SLC26A7: variants seen among roughly 807,000 people sequenced by gnomAD.
SLC26A7 encodes solute carrier family 26 member 7.
Under a neutral mutation model 82.5 loss-of-function variants are expected in SLC26A7, and 59 were observed. The ratio of observed to expected loss-of-function variants is 0.72; its 90% CI spans 0.58 to 0.89. The LOEUF is 0.89. Among genes scored for constraint, SLC26A7 ranks in the 40% least tolerant of loss-of-function variants. The pLI is 0.00. For missense variants in SLC26A7, 820 were observed against 793.0 expected, an observed-to-expected ratio of 1.03 and a Z score of -0.41; for synonymous variants, 271 against 274.3, an observed-to-expected ratio of 0.99 and a Z score of 0.12.
intron 11 of SLC26A7, among the ~76,000 whole-genome samples, chr8:91,354,912 T>TGAAA (rs1563695378): frequency 6.6e-5 from 10 of 152,052 alleles, no homozygotes; most frequent in African/African-American, 1.9e-4. Flanking sequence ...TCTTTTTTTT[T>TGAAA]AAAAAAAGGA....
chr8:91,371,012 T>C (rs1406871178), intron 15 of SLC26A7, among the ~76,000 whole-genome samples: 4 of 151,908 alleles, frequency 2.6e-5, no homozygotes, highest in Non-Finnish European at 5.9e-5. Context: ...GTTACAAATG[T>C]GTTAGATTTT....
intron 15 of SLC26A7, 93 bp downstream of exon 15, chr8:91,369,926 C>T: frequency 1.1e-6 from 1 of 938,778 alleles, no homozygotes; most frequent in South Asian, 1.5e-5. Flanking sequence ...TCCTCATCTG[C>T]CTCCCTCTTC....
intron 2 of SLC26A7, among the ~76,000 whole-genome samples, chr8:91,279,135 A>ATATATATATATG (rs1811491438): frequency 1.2e-5 from 1 of 86,362 alleles, no homozygotes; most frequent in African/African-American, 5.1e-5. Context: ...GTATATATAT[A>ATATATATATATG]TATATATATA....
At chr8:91,352,272 T>C (rs1813737470) in intron 10 of SLC26A7, among the ~76,000 whole-genome samples, 1 of 152,132 alleles carries the variant, frequency 6.6e-6, no homozygotes, top group Admixed American at 6.6e-5. Flanking sequence ...CTGCTGTTGA[T>C]ATATCTGTTA....
intron 13 of SLC26A7, among the ~76,000 whole-genome samples, chr8:91,364,505 G>A (rs1275500007): frequency 6.6e-6 from 1 of 152,132 alleles, no homozygotes; most frequent in Non-Finnish European, 1.5e-5. Context: ...CTAGGCTCAA[G>A]TTTTCCACCA....
At chr8:91,335,021 A>G (rs1813202009) in intron 6 of SLC26A7, among the ~76,000 whole-genome samples, 1 of 152,180 alleles carries the variant, frequency 6.6e-6, no homozygotes, top group Non-Finnish European at 1.5e-5. Flanking sequence ...GTGGCATTAG[A>G]AAATATGTTT....
Position 91,257,942 on chromosome 8 carries a change from T to A in SLC26A7, c.193+8098T>A, listed in dbSNP as rs536074327. ...GGAAACTTACAATCATGGCGGAAGG[T>A]GCCTCTTCACAGGGTGGCAGGAGAG... On this transcript the variant is annotated intron_variant, in intron 2 of 18. Transcript: ENST00000276609. Among the ~76,000 whole-genome samples, 143 of 152,130 alleles carry A rather than the reference T, an allele frequency of 9.4e-4. 2 individuals carry two copies. The highest frequency in any genetic ancestry group is 3.7e-4 in the Non-Finnish European group (25 of 67,966).
chr8:91,377,621 G>C (rs907192883), intron 15 of SLC26A7, among the ~76,000 whole-genome samples: 4 of 152,058 alleles, frequency 2.6e-5, no homozygotes, highest in Non-Finnish European at 5.9e-5. Flanking sequence ...CTGGTCACCT[G>C]GTTCTTTGAC....
chr8:91,358,415 A>G (rs192919677), intron 11 of SLC26A7, among the ~76,000 whole-genome samples: 10 of 142,156 alleles, frequency 7.0e-5, no homozygotes, highest in African/African-American at 2.1e-4. Flanking sequence ...TGCAAGCTCC[A>G]CCTCCTTGGG....
At chr8:91,280,537 C>T (rs947766121) in intron 2 of SLC26A7, among the ~76,000 whole-genome samples, 13 of 152,180 alleles carry the variant, frequency 8.5e-5, no homozygotes, top group Non-Finnish European at 1.8e-4. Flanking sequence ...CTCTATTCCC[C>T]AGGAAGCCCT....
At chr8:91,269,048 C>A (rs936998903) in intron 2 of SLC26A7, among the ~76,000 whole-genome samples, 1 of 151,686 alleles carries the variant, frequency 6.6e-6, no homozygotes, top group Non-Finnish European at 1.5e-5. Context: ...CATTTCTTAA[C>A]CCATTGTTGT....
At chr8:91,242,552 T>C (rs1315042946) in intron 2 of SLC26A7, among the ~76,000 whole-genome samples, 1 of 152,104 alleles carries the variant, frequency 6.6e-6, no homozygotes, top group African/African-American at 2.4e-5. Flanking sequence ...GCAGTTAGGT[T>C]TGGATAAGGT....
chr8:91,288,617 A>AT (rs1811774890), intron 2 of SLC26A7, among the ~76,000 whole-genome samples: 1 of 94,272 alleles, frequency 1.1e-5, no homozygotes, highest in Non-Finnish European at 2.9e-5. Flanking sequence ...CATCGGCCCT[A>AT]CTGCTGTGAC....
intron 2 of SLC26A7, among the ~76,000 whole-genome samples, chr8:91,268,179 G>C (rs939458227): frequency 2.0e-5 from 3 of 151,508 alleles, no homozygotes; most frequent in African/African-American, 7.3e-5. Flanking sequence ...GTCTTTCCTG[G>C]AGAATGTTCC....
At chr8:91,248,247 C>G (rs1210104278), upstream of SLC26A7, among the ~76,000 whole-genome samples, 1 of 152,086 alleles carries the variant, frequency 6.6e-6, no homozygotes, top group Non-Finnish European at 1.5e-5. Flanking sequence ...CCCGCTGCGT[C>G]TCTTCGTTGG....
chr8:91,283,053 A>G (rs987737252), intron 2 of SLC26A7, among the ~76,000 whole-genome samples: 2 of 152,292 alleles, frequency 1.3e-5, no homozygotes, highest in African/African-American at 4.8e-5. Context: ...AAAATCATTC[A>G]TGTTTCCATG....
intron 18 of SLC26A7, 94 bp downstream of exon 18, chr8:91,394,133 GGCATCTAAAATCTGTTA>G: frequency 6.3e-7 from 1 of 1,590,966 alleles, no homozygotes; most frequent in Non-Finnish European, 8.6e-7. Flanking sequence ...TTACTCCATT[GGCATCTAAAATCTGTTA>G]GCCCCCCACC....
Position 91,335,741 on chromosome 8 carries a change from T to C in SLC26A7, c.795+1294T>C, listed in dbSNP as rs548359498. Among the ~76,000 whole-genome samples, 16 of 152,324 alleles carry C rather than the reference T, an allele frequency of 1.1e-4. No homozygotes were observed. In the South Asian group the frequency reaches 1.9e-3, roughly 18 times the overall value. On this transcript the variant is annotated intron_variant, in intron 6 of 18. Transcript: ENST00000276609. ...AAAGTACCAATGCAAGCCCAAATACTTACAAGTTATAGATCAAAATGTTAA... is the reference window on the plus strand; with the variant it reads ...AAAGTACCAATGCAAGCCCAAATACCTACAAGTTATAGATCAAAATGTTAA...
chr8:91,274,079 G>A (rs965851847), intron 2 of SLC26A7, among the ~76,000 whole-genome samples: 2 of 152,060 alleles, frequency 1.3e-5, no homozygotes, highest in Non-Finnish European at 2.9e-5. Context: ...ATGTAAAATA[G>A]GGACAATAAT....
Sources: allele counts gnomAD v4.1 joint callset (sites outside exome capture counted in the v4.1 genomes callset), GRCh38; gene constraint gnomAD v4.1.1; transcripts MANE v1.5; gene names NCBI Gene and HGNC (gene_info 2026-07-23, HGNC 2026-07-21).